HDAC8: variants seen among roughly 807,000 people sequenced by gnomAD.
HDAC8 encodes histone deacetylase-like 1.
HDAC8 carries 1 observed loss-of-function variant against 32.2 expected under a neutral mutation model. The ratio of observed to expected loss-of-function variants is 0.03; its 90% CI spans 0.01 to 0.15. The LOEUF (loss-of-function observed/expected upper bound fraction) is 0.15, where lower values mean the gene tolerates loss of function less well. Ranked by LOEUF, HDAC8 falls within the 10% of genes least tolerant of loss-of-function variation. The probability of loss-of-function intolerance (pLI) is 1.00; values close to 1 mark genes in which losing one functional copy is unlikely to be tolerated. For missense variants in HDAC8, 117 were observed against 300.0 expected (o/e 0.39, Z 4.51); for synonymous variants, 108 against 113.9 (o/e 0.95, Z 0.33).
At chrX:72,374,775 T>C (rs1253702058) in intron 9 of HDAC8, among the ~76,000 whole-genome samples, 1 of 111,233 alleles carries the variant, frequency 9.0e-6, no homozygotes, top group Non-Finnish European at 1.9e-5. Flanking sequence ...GTCTTTTACT[T>C]TCTTTTGTTT....
intron 4 of HDAC8, among the ~76,000 whole-genome samples, chrX:72,509,988 T>A (rs1556021170): frequency 2.7e-5 from 3 of 111,803 alleles, no homozygotes; most frequent in African/African-American, 9.7e-5. Context: ...CAACCACAGT[T>A]CCTTTTAGTA....
intron 10 of HDAC8, among the ~76,000 whole-genome samples, chrX:72,350,325 C>T (rs962589404): frequency 8.9e-6 from 1 of 111,785 alleles, no homozygotes; most frequent in African/African-American, 3.3e-5. Flanking sequence ...AAAAACTTTT[C>T]TCTGGCTAAA....
chrX:72,439,947 T>G (rs925392363), intron 9 of HDAC8, among the ~76,000 whole-genome samples: 2 of 111,794 alleles, frequency 1.8e-5, no homozygotes, highest in African/African-American at 3.3e-5. Flanking sequence ...TATTCAGGAC[T>G]TGAACTCAAC....
chrX:72,390,888 T>G (rs1415029301), intron 9 of HDAC8, among the ~76,000 whole-genome samples: 1 of 111,798 alleles, frequency 8.9e-6, no homozygotes, highest in Non-Finnish European at 1.9e-5. Flanking sequence ...GGCAAAAATT[T>G]ATCGTTACCC....
At chrX:72,371,327 T>G (rs140499374) in intron 9 of HDAC8, among the ~76,000 whole-genome samples, 1,869 of 111,798 alleles carry the variant, frequency 0.017, 15 homozygotes, top group Non-Finnish European at 0.027. Flanking sequence ...GTTAAAAAAG[T>G]AATATACCCT....
At chrX:72,402,593 A>G (rs1320640965) in intron 9 of HDAC8, among the ~76,000 whole-genome samples, 2 of 110,352 alleles carry the variant, frequency 1.8e-5, no homozygotes, top group Non-Finnish European at 3.8e-5. Flanking sequence ...TTTGTGATTT[A>G]TTCTTTGACC....
chrX:72,474,690 C>G, intron 7 of HDAC8: 1 of 1,206,540 alleles, frequency 8.3e-7, no homozygotes, highest in Non-Finnish European at 1.1e-6. Context: ...GCTGCGGCAG[C>G]TGCTTCTACA....
intron 9 of HDAC8, among the ~76,000 whole-genome samples, chrX:72,393,356 A>T (rs2045663882): frequency 9.0e-6 from 1 of 111,680 alleles, no homozygotes; most frequent in South Asian, 3.7e-4. Flanking sequence ...TTAAAACCAG[A>T]TGTGTCTAAA....
At chrX:72,522,614 T>C (rs186342395) in intron 4 of HDAC8, among the ~76,000 whole-genome samples, 7 of 112,520 alleles carry the variant, frequency 6.2e-5, no homozygotes, top group Non-Finnish European at 3.8e-5. Context: ...TAAGAGCCGA[T>C]TGCTGCATAT....
At chrX:72,499,613 T>A (rs2049140661) in intron 4 of HDAC8, among the ~76,000 whole-genome samples, 1 of 111,615 alleles carries the variant, frequency 9.0e-6, no homozygotes, top group African/African-American at 3.3e-5. Context: ...ATAGATACAA[T>A]ACACCAGAAT....
intron 10 of HDAC8, among the ~76,000 whole-genome samples, chrX:72,348,148 A>G (rs1246353328): frequency 8.9e-6 from 1 of 112,237 alleles, no homozygotes; most frequent in African/African-American, 3.2e-5. Flanking sequence ...GCCCAAGCTT[A>G]AAGGCTGAAC....
At chrX:72,395,086 C>G in intron 9 of HDAC8, among the ~76,000 whole-genome samples, 1 of 111,739 alleles carries the variant, frequency 8.9e-6, no homozygotes. Context: ...CAAAACAAAA[C>G]AACTATAGTT....
chrX:72,528,585 G>A (rs1190405811), intron 4 of HDAC8, among the ~76,000 whole-genome samples: 9 of 111,597 alleles, frequency 8.1e-5, no homozygotes, highest in Non-Finnish European at 1.7e-4. Flanking sequence ...CAGCAGATAG[G>A]GTAGGGAACG....
chrX:72,446,201 C>T (rs782159689), intron 9 of HDAC8, among the ~76,000 whole-genome samples: 3 of 112,143 alleles, frequency 2.7e-5, no homozygotes, highest in South Asian at 7.5e-4. Context: ...ACCCAAAGGA[C>T]TATAAATCAT....
Position 72,434,125 on chromosome X carries a change from G to A in HDAC8, c.1005+27879C>T, listed in dbSNP as rs184046731. 2.7e-5 allele frequency among the ~76,000 whole-genome samples: 3 copies of A among 111,839 alleles called. No homozygotes were observed. The East Asian group carries it at 8.4e-4, about 31-fold the overall frequency. ...AATCCCGGACCCTGCTGAAAGTAAG[G>A]AAAAGAGGATAAGCCCAGAAATCAC... On this transcript the variant is annotated intron_variant, in intron 9 of 10. Transcript: ENST00000373573.
chrX:72,458,008 A>ACACACACT (rs1555990275), intron 9 of HDAC8, among the ~76,000 whole-genome samples: 4 of 111,688 alleles, frequency 3.6e-5, no homozygotes, highest in Non-Finnish European at 7.5e-5. Context: ...ACACACACAC[A>ACACACACT]CACACCCCAG....
rs188768319 is a variant in HDAC8 at position 72,478,466 on chromosome X, C to T, written c.737+10467G>A. Among the ~76,000 whole-genome samples the T allele has an allele frequency of 8.7e-4, 97 of 111,256 alleles. No individual in the cohort carries two copies. The East Asian group carries it at 0.024, about 28-fold the overall frequency. ...GGTCTCCCTCCCCTCTCTATTCCTC[C>T]ATCCCCCTCAACACGGAGCTGGCGC... is the stretch of plus-strand genomic sequence containing the variant. On this transcript the variant is annotated intron_variant, in intron 7 of 10. Transcript: ENST00000373573.
chrX:72,447,090 G>A (rs782629252), intron 9 of HDAC8, among the ~76,000 whole-genome samples: 60 of 112,305 alleles, frequency 5.3e-4, no homozygotes, highest in Non-Finnish European at 1.0e-3. Flanking sequence ...CTCATTTTAT[G>A]AGGCCAGCAT....
intron 10 of HDAC8, among the ~76,000 whole-genome samples, chrX:72,343,430 C>T (rs1256672058): frequency 1.8e-5 from 2 of 110,091 alleles, no homozygotes; most frequent in African/African-American, 3.3e-5. Flanking sequence ...GTCTCGGCCT[C>T]TCAAAATGCT....
Sources: allele counts gnomAD v4.1 joint callset (sites outside exome capture counted in the v4.1 genomes callset), GRCh38; gene constraint gnomAD v4.1.1; transcripts MANE v1.5; gene names NCBI Gene and HGNC (gene_info 2026-07-23, HGNC 2026-07-21).